Variants in FRMD5 observed in about 807,000 individuals in gnomAD.
FRMD5 encodes the protein FERM domain-containing protein 5.
FRMD5 carries 20 observed loss-of-function variants against 69.0 expected under a neutral mutation model. The ratio of observed to expected loss-of-function variants is 0.29; its 90% confidence interval spans 0.20 to 0.42. FRMD5 has a LOEUF of 0.42. FRMD5 is among the 10% of genes least tolerant of loss of function. The pLI, the probability that FRMD5 is intolerant of heterozygous loss-of-function variation, is 1.00. For synonymous variants in FRMD5, 271 were observed against 260.1 expected, an observed-to-expected ratio of 1.04 and a Z score of -0.40; for missense variants, 595 against 708.6, an observed-to-expected ratio of 0.84 and a Z score of 1.82.
intron 1 of FRMD5, among the ~76,000 whole-genome samples, chr15:44,051,946 A>G (rs113281500): frequency 0.04 from 6,022 of 152,120 alleles, 360 homozygotes; most frequent in African/African-American, 0.13. Context: ...GGCTAAGGCA[A>G]TGTCTGTCAG....
At chr15:44,173,720 C>T (rs1020022442) in intron 1 of FRMD5, among the ~76,000 whole-genome samples, 1 of 151,938 alleles carries the variant, frequency 6.6e-6, no homozygotes, top group Non-Finnish European at 1.5e-5. Flanking sequence ...CACCATGTTG[C>T]CCAGGCTGGT....
At chr15:44,010,776 A>G (rs1474882685) in intron 1 of FRMD5, among the ~76,000 whole-genome samples, 3 of 152,186 alleles carry the variant, frequency 2.0e-5, no homozygotes, top group Non-Finnish European at 4.4e-5. Flanking sequence ...AGGAAGTTAA[A>G]CAAACATGAA....
chr15:44,183,250 A>AG (rs113159342), intron 1 of FRMD5, among the ~76,000 whole-genome samples: 16,526 of 152,112 alleles, frequency 0.11, 2,049 homozygotes, highest in African/African-American at 0.31. Context: ...AATGCTGGAA[A>AG]GGGGGGTAGC....
At chr15:43,923,665 G>GA (rs1374596664) in intron 2 of FRMD5, among the ~76,000 whole-genome samples, 1 of 152,258 alleles carries the variant, frequency 6.6e-6, no homozygotes, top group Non-Finnish European at 1.5e-5. Flanking sequence ...ACTTGTTCCT[G>GA]AATCTGTCTG....
intron 1 of FRMD5, among the ~76,000 whole-genome samples, chr15:43,965,645 A>G (rs974534075): frequency 6.8e-6 from 1 of 147,890 alleles, no homozygotes; most frequent in Admixed American, 6.9e-5. Flanking sequence ...GCAATGGCAC[A>G]ATCTCCGCTC....
intron 4 of FRMD5, among the ~76,000 whole-genome samples, chr15:43,910,974 C>T (rs1042335668): frequency 6.6e-6 from 1 of 152,350 alleles, no homozygotes; most frequent in African/African-American, 2.4e-5. Flanking sequence ...ATTCTGCCCT[C>T]CTTGCACTAT....
At chr15:44,076,517 G>C (rs1026951134) in intron 1 of FRMD5, among the ~76,000 whole-genome samples, 4 of 150,114 alleles carry the variant, frequency 2.7e-5, no homozygotes, top group African/African-American at 9.8e-5. Context: ...GTAAACTATC[G>C]CAAGAACAAA....
chr15:43,935,416 A>G (rs888056273), intron 1 of FRMD5, among the ~76,000 whole-genome samples: 45 of 152,314 alleles, frequency 3.0e-4, no homozygotes, highest in African/African-American at 1.1e-3. Context: ...CCCGAGAGGC[A>G]GAGGTTGCAG....
rs747747488 is a variant in FRMD5, at chr15:44,117,991, C to CTTTTTT, written c.102+76956_102+76961dup. On this transcript the variant is annotated intron_variant, in intron 1 of 13. Coordinates refer to ENST00000417257, the MANE Select transcript of FRMD5 (RefSeq NM_032892.5). ...CTGGATTCCATTTCTTTCTTTTTTA[C>CTTTTTT]TTTTTTTTTTTTTTTTTTTTTTTTG... Among the ~76,000 whole-genome samples the CTTTTTT allele has an allele frequency of 2.4e-3, 225 of 92,584 alleles. 8 individuals carry two copies. Among genetic ancestry groups the CTTTTTT allele is most frequent in the African/African-American group, 6.9e-3 (150 of 21,604 alleles). The allele number at this position is 92,584 out of a possible 152,430, so 60.7% of individuals were successfully genotyped here. A position where few individuals can be genotyped will look rare whatever the true frequency, so the allele number is the denominator to read the frequency against.
chr15:44,103,770 T>G (rs2076674430), intron 1 of FRMD5, among the ~76,000 whole-genome samples: 1 of 152,250 alleles, frequency 6.6e-6, no homozygotes, highest in African/African-American at 2.4e-5. Flanking sequence ...TATGCAGTTA[T>G]GCAGCTCATA....
intron 1 of FRMD5, among the ~76,000 whole-genome samples, chr15:43,967,387 C>G (rs1028898991): frequency 6.6e-6 from 1 of 152,002 alleles, no homozygotes; most frequent in African/African-American, 2.4e-5. Flanking sequence ...CATGTGCCAC[C>G]ACGCCTGGCT....
chr15:44,071,483 G>C (rs774830645), intron 1 of FRMD5, among the ~76,000 whole-genome samples: 13 of 152,108 alleles, frequency 8.5e-5, no homozygotes, highest in Non-Finnish European at 1.3e-4. Context: ...GGCAACAGTA[G>C]TCAAGTGTAC....
At chr15:43,930,472 C>G (rs2089655465) in intron 1 of FRMD5, among the ~76,000 whole-genome samples, 1 of 152,196 alleles carries the variant, frequency 6.6e-6, no homozygotes, top group Non-Finnish European at 1.5e-5. Context: ...GGTATCTAGA[C>G]TACAATGCCA....
chr15:44,196,402 T>G (rs2078297452), upstream of FRMD5, among the ~76,000 whole-genome samples: 1 of 151,520 alleles, frequency 6.6e-6, no homozygotes, highest in Non-Finnish European at 1.5e-5. Context: ...AGGCAGAGGT[T>G]GCAGTGAACC....
intron 1 of FRMD5, among the ~76,000 whole-genome samples, chr15:44,191,938 A>ATATATATATATATATC (rs2078203726): frequency 1.6e-5 from 2 of 125,878 alleles, no homozygotes; most frequent in African/African-American, 6.1e-5. Context: ...ATATATATAT[A>ATATATATATATATATC]TATGTATCTC....
chr15:44,123,599 C>T (rs1410705225), intron 1 of FRMD5, among the ~76,000 whole-genome samples: 1 of 151,914 alleles, frequency 6.6e-6, no homozygotes, highest in Admixed American at 6.6e-5. Flanking sequence ...AATAAAGAAA[C>T]CAGAAAATCA....
At chr15:43,927,478 C>T (rs1171331194) in intron 1 of FRMD5, among the ~76,000 whole-genome samples, 4 of 152,230 alleles carry the variant, frequency 2.6e-5, no homozygotes, top group African/African-American at 9.6e-5. Flanking sequence ...TCCGTCAGAA[C>T]TTTCTTTGTG....
chr15:43,998,418 G>A (rs965121553), intron 1 of FRMD5, among the ~76,000 whole-genome samples: 4 of 152,080 alleles, frequency 2.6e-5, no homozygotes, highest in African/African-American at 9.7e-5. Context: ...GTGACCAAGG[G>A]TTCTATTTCT....
chr15:43,906,783 A>G, intron 5 of FRMD5, among the ~76,000 whole-genome samples: 1 of 138,380 alleles, frequency 7.2e-6, no homozygotes, highest in African/African-American at 3.4e-5. Context: ...TTGTATTTTT[A>G]GTAGAGACGG....
Sources: gnomAD v4.1 joint callset for allele counts (sites outside exome capture counted in the v4.1 genomes callset) on GRCh38, gnomAD v4.1.1 for gene constraint, MANE v1.5 for transcripts, NCBI Gene and HGNC (gene_info 2026-07-23, HGNC 2026-07-21) for gene names.